Variants in GABBR2 observed in about 807,000 individuals in gnomAD.
GABBR2 encodes gamma-aminobutyric acid type B receptor subunit 2.
A neutral mutation model predicts 105.6 loss-of-function variants in GABBR2; 23 were observed. That is an observed-to-expected ratio of 0.22 (90% confidence interval 0.16 to 0.31). The LOEUF is 0.31. Among genes scored for constraint, GABBR2 ranks in the 10% least tolerant of loss-of-function variants. GABBR2 has a pLI of 1.00. For missense variants in GABBR2, 734 were observed against 1,245.5 expected (o/e 0.59, Z 6.18); for synonymous variants, 478 against 499.7 (o/e 0.96, Z 0.58).
At chr9:98,333,234 C>T (rs947926398) in intron 13 of GABBR2, among the ~76,000 whole-genome samples, 19 of 152,190 alleles carry the variant, frequency 1.2e-4, no homozygotes, top group Admixed American at 3.3e-4. Context: ...CCCTTCTAGT[C>T]CTCCCCAAAG....
At chr9:98,315,772 G>A (rs921498344) in intron 13 of GABBR2, among the ~76,000 whole-genome samples, 2 of 152,232 alleles carry the variant, frequency 1.3e-5, no homozygotes, top group Admixed American at 6.5e-5. Context: ...ACCCTCTGCT[G>A]GGGACACAGA....
chr9:98,598,660 C>T (rs1337070219), intron 1 of GABBR2, among the ~76,000 whole-genome samples: 3 of 151,984 alleles, frequency 2.0e-5, no homozygotes, highest in Non-Finnish European at 2.9e-5. Context: ...GTGGGACTTT[C>T]GTCTTCAGCT....
At chr9:98,393,379 TCATCCAC>T (rs1832229762) in intron 9 of GABBR2, among the ~76,000 whole-genome samples, 17 of 99,108 alleles carry the variant, frequency 1.7e-4, no homozygotes, top group East Asian at 8.7e-4. Context: ...ACACACCCAC[TCATCCAC>T]CCAACCATCC....
intron 3 of GABBR2, among the ~76,000 whole-genome samples, chr9:98,539,444 C>A (rs1456154395): frequency 6.6e-6 from 1 of 152,082 alleles, no homozygotes; most frequent in Non-Finnish European, 1.5e-5. Context: ...GGTTCAGGAC[C>A]CCAAAATTTA....
rs184908404 is a variant in GABBR2 at position 98,299,031 on chromosome 9, G to C, written c.2542+193C>G. Among the ~76,000 whole-genome samples the C allele has an allele frequency of 6.9e-4, 105 of 152,326 alleles. 1 individual carries two copies. Among genetic ancestry groups the C allele is most frequent in the African/African-American group, 2.4e-3 (101 of 41,570 alleles). ...AAATCGAAGACCCAGGCCCAGGCAG[G>C]GTGGGGCTCAAAGCGGACACTGAAC... On this transcript the variant is annotated intron_variant, in intron 17 of 18. Coordinates refer to ENST00000259455, the MANE Select transcript of GABBR2 (RefSeq NM_005458.8).
At chr9:98,403,778 T>C (rs1179630069) in intron 8 of GABBR2, among the ~76,000 whole-genome samples, 1 of 149,502 alleles carries the variant, frequency 6.7e-6, no homozygotes, top group African/African-American at 2.4e-5. Flanking sequence ...TATACATATA[T>C]ATAAATATAT....
At chr9:98,533,051 A>C (rs1828099428) in intron 3 of GABBR2, among the ~76,000 whole-genome samples, 1 of 152,226 alleles carries the variant, frequency 6.6e-6, no homozygotes, top group East Asian at 1.9e-4. Context: ...CATCCAAAAA[A>C]GACTTCAAGT....
intron 4 of GABBR2, among the ~76,000 whole-genome samples, chr9:98,490,843 C>T (rs1827161809): frequency 6.6e-6 from 1 of 152,192 alleles, no homozygotes; most frequent in Non-Finnish European, 1.5e-5. Context: ...CTTTAGCCAC[C>T]CCCTGTTCAG....
chr9:98,609,799 T>C (rs1332185349), intron 1 of GABBR2, among the ~76,000 whole-genome samples: 2 of 152,200 alleles, frequency 1.3e-5, no homozygotes, highest in Non-Finnish European at 2.9e-5. Context: ...ATGCCCCGTC[T>C]GCTACCCTAC....
At chr9:98,473,613 C>T (rs957460964) in intron 5 of GABBR2, among the ~76,000 whole-genome samples, 3 of 152,080 alleles carry the variant, frequency 2.0e-5, no homozygotes, top group African/African-American at 7.2e-5. Context: ...ATAGAAGGAA[C>T]AGAATGTAGA....
intron 6 of GABBR2, among the ~76,000 whole-genome samples, chr9:98,462,314 A>G (rs999218225): frequency 1.2e-4 from 18 of 152,236 alleles, no homozygotes; most frequent in African/African-American, 3.9e-4. Context: ...GGATTACATT[A>G]AGATTAGGAA....
At chr9:98,380,154 T>C (rs1831946209) in intron 11 of GABBR2, among the ~76,000 whole-genome samples, 1 of 152,222 alleles carries the variant, frequency 6.6e-6, no homozygotes, top group Non-Finnish European at 1.5e-5. Flanking sequence ...GAACTTGGCC[T>C]TGTCAGGTGG....
chr9:98,645,212 C>G (rs554803646), intron 1 of GABBR2, among the ~76,000 whole-genome samples: 1 of 152,268 alleles, frequency 6.6e-6, no homozygotes, highest in Non-Finnish European at 1.5e-5. Flanking sequence ...GGCAAGCAGG[C>G]AAAGTGCAGC....
intron 13 of GABBR2, among the ~76,000 whole-genome samples, chr9:98,343,904 C>T (rs1011401635): frequency 6.6e-6 from 1 of 152,220 alleles, no homozygotes; most frequent in East Asian, 1.9e-4. Flanking sequence ...GAGGTGTGTG[C>T]ATATACTCAC....
At chr9:98,426,813 C>T (rs915822761) in intron 7 of GABBR2, among the ~76,000 whole-genome samples, 1 of 152,142 alleles carries the variant, frequency 6.6e-6, no homozygotes. Flanking sequence ...ATCAGCCTGG[C>T]TAACATGGTG....
chr9:98,503,587 T>C (rs555062184), intron 3 of GABBR2, among the ~76,000 whole-genome samples: 110 of 152,226 alleles, frequency 7.2e-4, no homozygotes, highest in South Asian at 6.2e-4. Flanking sequence ...TGGCAAGAAG[T>C]GATCGGCTTG....
chr9:98,522,247 T>C (rs1050500688), intron 3 of GABBR2, among the ~76,000 whole-genome samples: 10 of 152,116 alleles, frequency 6.6e-5, no homozygotes, highest in South Asian at 6.2e-4. Context: ...AACAAAAATA[T>C]GGAGAATAAA....
intron 13 of GABBR2, among the ~76,000 whole-genome samples, chr9:98,315,577 G>A (rs1830701022): frequency 6.6e-6 from 1 of 152,218 alleles, no homozygotes; most frequent in Non-Finnish European, 1.5e-5. Context: ...CCTGGGCCTG[G>A]AGTTCGCAGT....
At chr9:98,434,449 C>T (rs1262629187) in intron 7 of GABBR2, among the ~76,000 whole-genome samples, 1 of 152,172 alleles carries the variant, frequency 6.6e-6, no homozygotes, top group Non-Finnish European at 1.5e-5. Context: ...TGTTCAACAA[C>T]AGGGTCTCTG....
Sources: allele counts gnomAD v4.1 joint callset (sites outside exome capture counted in the v4.1 genomes callset), GRCh38; gene constraint gnomAD v4.1.1; transcripts MANE v1.5; gene names NCBI Gene and HGNC (gene_info 2026-07-23, HGNC 2026-07-21).